The following ANGPT1 variants were observed in gnomAD, a reference collection of about 807,000 sequenced individuals.
ANGPT1 encodes the protein angiopoietin-1.
In ANGPT1, 17 loss-of-function variants were observed where a neutral mutation model predicts 62.2. That is an observed-to-expected ratio of 0.27 (90% CI 0.19 to 0.41). ANGPT1 has a LOEUF of 0.41. Among genes scored for constraint, ANGPT1 ranks in the 10% least tolerant of loss-of-function variants. ANGPT1 has a pLI of 1.00. For missense variants in ANGPT1, 478 were observed against 594.9 expected (o/e 0.80, Z 2.04); for synonymous variants, 199 against 198.9 (o/e 1.00, Z 0.00).
At chr8:107,464,714 T>C (rs1812157298) in intron 1 of ANGPT1, among the ~76,000 whole-genome samples, 1 of 152,164 alleles carries the variant, frequency 6.6e-6, no homozygotes, top group Admixed American at 6.6e-5. Flanking sequence ...TACAATCCCG[T>C]AAATTTATTG....
intron 1 of ANGPT1, among the ~76,000 whole-genome samples, chr8:107,456,933 A>G (rs564949605): frequency 1.3e-5 from 2 of 152,216 alleles, no homozygotes; most frequent in South Asian, 2.1e-4. Context: ...TCTTCCTGCT[A>G]TCTTTCCTAA....
At chr8:107,375,277 A>C (rs1816507617) in intron 1 of ANGPT1, among the ~76,000 whole-genome samples, 1 of 152,194 alleles carries the variant, frequency 6.6e-6, no homozygotes, top group Admixed American at 6.5e-5. Flanking sequence ...GTTGTTGAAA[A>C]CCCTTAACAA....
At chr8:107,383,372 A>G (rs1369066661) in intron 1 of ANGPT1, among the ~76,000 whole-genome samples, 2 of 152,202 alleles carry the variant, frequency 1.3e-5, no homozygotes, top group African/African-American at 4.8e-5. Context: ...TAGCCAAAGC[A>G]AAAGTCCAGC....
intron 8 of ANGPT1, among the ~76,000 whole-genome samples, chr8:107,263,485 G>T (rs1813544602): frequency 6.6e-6 from 1 of 151,334 alleles, no homozygotes; most frequent in Non-Finnish European, 1.5e-5. Flanking sequence ...AGGGTTTTTT[G>T]TTGTTGTTAT....
At chr8:107,390,676 G>A (rs961708088) in intron 1 of ANGPT1, among the ~76,000 whole-genome samples, 1 of 152,098 alleles carries the variant, frequency 6.6e-6, no homozygotes, top group Non-Finnish European at 1.5e-5. Flanking sequence ...CACATAAATA[G>A]GAGATTTCTG....
intron 1 of ANGPT1, among the ~76,000 whole-genome samples, chr8:107,491,918 C>T (rs1319598594): frequency 5.9e-5 from 9 of 152,152 alleles, no homozygotes; most frequent in Non-Finnish European, 1.5e-5. Context: ...TAAGGAAGAA[C>T]TGTAATTGCC....
At chr8:107,276,660 G>T (rs1488276856) in intron 7 of ANGPT1, among the ~76,000 whole-genome samples, 2 of 151,880 alleles carry the variant, frequency 1.3e-5, no homozygotes, top group Non-Finnish European at 2.9e-5. Context: ...GAACTGGAAA[G>T]AACTTCAGCC....
At chr8:107,415,607 C>A (rs1053159009) in intron 1 of ANGPT1, among the ~76,000 whole-genome samples, 1 of 152,170 alleles carries the variant, frequency 6.6e-6, no homozygotes, top group Non-Finnish European at 1.5e-5. Flanking sequence ...AATACCCATG[C>A]TTTGCTTTAA....
chr8:107,443,807 G>A (rs1454598583), intron 1 of ANGPT1, among the ~76,000 whole-genome samples: 6 of 119,080 alleles, frequency 5.0e-5, no homozygotes, highest in Non-Finnish European at 8.5e-5. Context: ...CAACAAGAGC[G>A]AAACTATGTC....
At chr8:107,484,324 T>C (rs1463638743) in intron 1 of ANGPT1, among the ~76,000 whole-genome samples, 1 of 152,244 alleles carries the variant, frequency 6.6e-6, no homozygotes, top group Admixed American at 6.5e-5. Flanking sequence ...ATACCTGCTA[T>C]GTATTAAAAT....
chr8:107,413,977 G>A (rs1810661312), intron 1 of ANGPT1, among the ~76,000 whole-genome samples: 1 of 152,056 alleles, frequency 6.6e-6, no homozygotes, highest in South Asian at 2.1e-4. Context: ...AAGAAAAGTG[G>A]GTTTGGTGGT....
At chr8:107,290,618 G>A (rs1276602255) in intron 6 of ANGPT1, among the ~76,000 whole-genome samples, 2 of 152,252 alleles carry the variant, frequency 1.3e-5, no homozygotes, top group East Asian at 3.9e-4. Context: ...TGTAACATAT[G>A]ATGAATATTT....
chr8:107,289,512 G>C (rs1814223799), intron 6 of ANGPT1, among the ~76,000 whole-genome samples: 4 of 152,086 alleles, frequency 2.6e-5, no homozygotes, highest in African/African-American at 7.2e-5. Flanking sequence ...ACAGCGCTGT[G>C]GCTTTCAGGG....
At chr8:107,484,010 TTATACACATG>T (rs1180886066) in intron 1 of ANGPT1, among the ~76,000 whole-genome samples, 1 of 152,250 alleles carries the variant, frequency 6.6e-6, no homozygotes, top group East Asian at 1.9e-4. Flanking sequence ...TTACAGCAAT[TTATACACATG>T]TATGGTAAAT....
intron 1 of ANGPT1, among the ~76,000 whole-genome samples, chr8:107,406,112 C>T (rs1400207176): frequency 6.6e-6 from 1 of 151,574 alleles, no homozygotes; most frequent in Non-Finnish European, 1.5e-5. Flanking sequence ...ATGTAATTGG[C>T]ATTCTTATAG....
chr8:107,267,005 T>C (rs1283173246), intron 7 of ANGPT1, among the ~76,000 whole-genome samples: 2 of 151,988 alleles, frequency 1.3e-5, no homozygotes, highest in Non-Finnish European at 2.9e-5. Context: ...ATATTAACAA[T>C]TTTTAGTATT....
intron 4 of ANGPT1, among the ~76,000 whole-genome samples, chr8:107,321,406 T>C (rs1312215304): frequency 6.6e-6 from 1 of 152,134 alleles, no homozygotes; most frequent in African/African-American, 2.4e-5. Context: ...TCACTCATAA[T>C]ACTTGTTTCA....
At chr8:107,370,410 G>GAAAGAAAGAAAGAAAGGAAGGAC in intron 1 of ANGPT1, among the ~76,000 whole-genome samples, 1 of 96,740 alleles carries the variant, frequency 1.0e-5, no homozygotes, top group Non-Finnish European at 2.4e-5. Flanking sequence ...GAAAGAAAGA[G>GAAAGAAAGAAAGAAAGGAAGGAC]TCAGGGTCAG....
intron 3 of ANGPT1, among the ~76,000 whole-genome samples, chr8:107,331,957 G>A (rs1221008778): frequency 6.6e-6 from 1 of 152,076 alleles, no homozygotes; most frequent in Non-Finnish European, 1.5e-5. Flanking sequence ...ATATTCTTTA[G>A]CCTGGCTTTG....
Sources: gnomAD v4.1 joint callset for allele counts (sites outside exome capture counted in the v4.1 genomes callset) on GRCh38, gnomAD v4.1.1 for gene constraint, MANE v1.5 for transcripts, NCBI Gene and HGNC (gene_info 2026-07-23, HGNC 2026-07-21) for gene names.